Variants in ABHD2 observed in about 807,000 individuals in gnomAD.
The protein encoded by ABHD2 is monoacylglycerol lipase ABHD2.
ABHD2 carries 20 observed loss-of-function variants against 48.1 expected under a neutral mutation model. That is an observed-to-expected ratio of 0.42 (90% CI 0.29 to 0.60). ABHD2 has a LOEUF of 0.60. ABHD2 is among the 20% of genes least tolerant of loss of function. The pLI, the probability that ABHD2 is intolerant of heterozygous loss-of-function variation, is 0.24. For missense variants in ABHD2, 405 were observed against 550.9 expected, an observed-to-expected ratio of 0.74 and a Z score of 2.65; for synonymous variants, 209 against 214.2, an observed-to-expected ratio of 0.98 and a Z score of 0.21.
Position 89,182,610 on chromosome 15 carries a change from G to A in ABHD2, c.723-2814G>A, listed in dbSNP as rs566866444. Among the ~76,000 whole-genome samples, 8 of 152,166 alleles carry A rather than the reference G, an allele frequency of 5.3e-5. No homozygotes were observed. Among genetic ancestry groups the A allele is most frequent in the Admixed American group, 2.6e-4 (4 of 15,286 alleles). ...TCTAGACCACCCTGGCCAACATGAC[G>A]AAACCCCGTATTCTACTAAAAAAAT... On this transcript the variant is annotated intron_variant, in intron 6 of 10. Transcript: ENST00000352732. This position sits in a 1 kb window ranked among gnomAD's most constrained non-coding sequence, Gnocchi z 4.8.
At chr15:89,135,546 T>C (rs2050294310) in intron 3 of ABHD2, 2 of 1,412,598 alleles carry the variant, frequency 1.4e-6, no homozygotes, top group Non-Finnish European at 2.0e-6. Context: ...AACCAACTTA[T>C]TCATCATCAT....
At chr15:89,059,865 C>T in the ABHD2 span, among the ~76,000 whole-genome samples, 1 of 152,124 alleles carries the variant, frequency 6.6e-6, no homozygotes, top group Admixed American at 6.5e-5. Context: ...GAAGGAAAAC[C>T]TCATTCCACT....
the ABHD2 span, among the ~76,000 whole-genome samples, chr15:89,047,904 G>A: frequency 6.1e-5 from 9 of 146,912 alleles, no homozygotes; most frequent in East Asian, 1.4e-3. Flanking sequence ...TACATTTAAA[G>A]TTAATATTGT....
At chr15:89,115,367 GGTATGTGTGTGTGTGTGT>G (rs1427381214) in intron 2 of ABHD2, among the ~76,000 whole-genome samples, 1,826 of 117,578 alleles carry the variant, frequency 0.016, 69 homozygotes, top group African/African-American at 0.053. Context: ...TATGTTTGGA[GGTATGTGTGTGTGTGTGT>G]GTGTGTGTGT....
the ABHD2 span, among the ~76,000 whole-genome samples, chr15:89,048,028 A>G: frequency 0.27 from 40,694 of 150,194 alleles, 5,871 homozygotes; most frequent in African/African-American, 0.37. Context: ...ATTTTGCAGC[A>G]GCTGGTACCG....
chr15:89,096,995 A>C (rs887240611), intron 1 of ABHD2, among the ~76,000 whole-genome samples: 5 of 152,236 alleles, frequency 3.3e-5, no homozygotes, highest in Admixed American at 3.3e-4. Context: ...CAGGCAACTC[A>C]TCAGCCCAGG....
intron 1 of ABHD2, among the ~76,000 whole-genome samples, chr15:89,105,495 G>A (rs1401864678): frequency 6.6e-6 from 1 of 152,246 alleles, no homozygotes; most frequent in Non-Finnish European, 1.5e-5. Context: ...TATCACATGA[G>A]TAGGTTTGCA....
In ABHD2 at chr15:89,104,841, G is replaced by A. The variant is rs1031307659; in HGVS notation, c.-106-8884G>A. On this transcript the variant is annotated intron_variant, in intron 1 of 10. Transcript: ENST00000352732. This position sits in a 1 kb window ranked among gnomAD's most constrained non-coding sequence, Gnocchi z 4.4. The stretch of plus-strand genomic sequence containing the variant: ...TGCCCAGGACAATCAATCTGGAGAT[G>A]CCCTCTTCTTCAGTTGTATCCTTCT... Among the ~76,000 whole-genome samples, 1 of 152,184 alleles carries A rather than the reference G, an allele frequency of 6.6e-6. No homozygotes were observed. Among genetic ancestry groups the A allele is most frequent in the Admixed American group, 6.5e-5 (1 of 15,272 alleles).
the ABHD2 span, among the ~76,000 whole-genome samples, chr15:89,050,595 T>A: frequency 1.3e-5 from 2 of 152,202 alleles, no homozygotes; most frequent in African/African-American, 4.8e-5. Flanking sequence ...GGGGATCCAA[T>A]CTGTTCCCGT....
Position 89,143,693 on chromosome 15 carries a change from A to C in ABHD2, c.195-7984A>C, listed in dbSNP as rs563149584. On this transcript the variant is annotated intron_variant, in intron 3 of 10. Transcript: ENST00000352732. ...AGCAAAACTCCATCTCAAAACAAAAAAAAAAAAATGTGATTAATTTTAGAC... is the reference window on the plus strand; with the variant it reads ...AGCAAAACTCCATCTCAAAACAAAACAAAAAAAATGTGATTAATTTTAGAC... Among the ~76,000 whole-genome samples the C allele has an allele frequency of 1.1e-3, 165 of 152,280 alleles. 2 individuals carry two copies. The highest frequency in any genetic ancestry group is 1.7e-3 in the Non-Finnish European group (113 of 68,012).
chr15:89,200,875 A>T lies in ABHD2; in HGVS notation c.*5452A>T, dbSNP rs1358003644. The T allele has an allele frequency of 2.7e-6, 1 of 365,274 alleles. No individual in the cohort carries two copies. Among genetic ancestry groups the T allele is most frequent in the African/African-American group, 2.1e-5 (1 of 46,716 alleles). The allele number at this position is 365,274 out of a possible 1,614,324, so 22.6% of individuals were successfully genotyped here. On this transcript the variant is annotated 3_prime_UTR_variant, in exon 11 of 11. Coordinates refer to ENST00000352732, the MANE Select transcript of ABHD2 (RefSeq NM_152924.5). ...GGCGGGTAGATCACCTGAGGTTAGG[A>T]GTTCAAGACCAGCCTGGCCAACATG...
Position 89,167,302 on chromosome 15 carries a change from TA to T in ABHD2, c.539-8507del, listed in dbSNP as rs1358488227. On this transcript the variant is annotated intron_variant, in intron 5 of 10. Transcript: ENST00000352732. The surrounding 1 kb of genome is among the most constrained non-coding windows in gnomAD (Gnocchi z 5.5). ...GTTATGAATTGTGTTGCCTCTGCAT[TA>T]AACAGTTGAGTTTTATAATGGCAGA... Among the ~76,000 whole-genome samples, 5 of 152,338 alleles carry T rather than the reference TA, an allele frequency of 3.3e-5. No homozygotes were observed. The highest frequency in any genetic ancestry group is 1.3e-4 in the Admixed American group (2 of 15,306).
intron 4 of ABHD2, among the ~76,000 whole-genome samples, chr15:89,154,096 A>G (rs1408010498): frequency 1.3e-5 from 2 of 152,170 alleles, no homozygotes; most frequent in African/African-American, 2.4e-5. Flanking sequence ...TTATAAAGAG[A>G]TGGAGTCTTG....
At chr15:89,061,407 A>AAAT in the ABHD2 span, among the ~76,000 whole-genome samples, 1 of 152,048 alleles carries the variant, frequency 6.6e-6, no homozygotes, top group Non-Finnish European at 1.5e-5. Flanking sequence ...AACAAGAGCA[A>AAAT]AATTCCATCT....
At chr15:89,053,290 C>T in the ABHD2 span, among the ~76,000 whole-genome samples, 1 of 152,162 alleles carries the variant, frequency 6.6e-6, no homozygotes, top group African/African-American at 2.4e-5. Context: ...ATTTTCTGCT[C>T]TGTCACAGCC....
At chr15:89,087,272 T>C (rs1901389069), upstream of ABHD2, 1 of 152,384 alleles carries the variant, frequency 6.6e-6, no homozygotes, top group Non-Finnish European at 1.5e-5. The surrounding 1 kb of genome is among the most constrained non-coding windows in gnomAD (Gnocchi z 5.5). Context: ...CTGAAATATG[T>C]TGGGAAAAAT....
chr15:89,177,122 TGAAACCCTTCCTGAGTCCCAGGACCAAG>T lies in ABHD2; in HGVS notation c.722+1129_722+1156del, dbSNP rs1315198061. ...CGATAGACATGAGAAACATCTCTGATGAAACCCTTCCTGAGTCCCAGGACCAAGGTCTGGGTTCTATTTTTCCGTGCCG... is the reference window on the plus strand; with the variant it reads ...CGATAGACATGAGAAACATCTCTGATGTCTGGGTTCTATTTTTCCGTGCCG... On this transcript the variant is annotated intron_variant, in intron 6 of 10. Coordinates refer to ENST00000352732, the MANE Select transcript of ABHD2 (RefSeq NM_152924.5). The surrounding 1 kb of genome is among the most constrained non-coding windows in gnomAD (Gnocchi z 5.6). Among the ~76,000 whole-genome samples the T allele has an allele frequency of 6.6e-6, 1 of 152,212 alleles. No homozygotes were observed. The highest frequency in any genetic ancestry group is 1.5e-5 in the Non-Finnish European group (1 of 68,036).
At chr15:89,085,868 A>G (rs143765404), upstream of ABHD2, among the ~76,000 whole-genome samples, 105 of 152,340 alleles carry the variant, frequency 6.9e-4, 2 homozygotes, top group East Asian at 0.018. This position sits in a 1 kb window ranked among gnomAD's most constrained non-coding sequence, Gnocchi z 4.2. Flanking sequence ...ACACAGGCAG[A>G]AGCAAACCTG....
At chr15:89,061,574 C>G in the ABHD2 span, among the ~76,000 whole-genome samples, 2 of 152,140 alleles carry the variant, frequency 1.3e-5, no homozygotes, top group East Asian at 3.9e-4. Context: ...CAAAACAGAT[C>G]TGTATTTTTT....
Sources: allele counts gnomAD v4.1 joint callset (sites outside exome capture counted in the v4.1 genomes callset), GRCh38; gene constraint gnomAD v4.1.1; non-coding constraint Gnocchi (gnomAD v3.1); transcripts MANE v1.5; gene names NCBI Gene and HGNC (gene_info 2026-07-23, HGNC 2026-07-21).